DPP6: variants seen among roughly 807,000 people sequenced by gnomAD.
DPP6 encodes the protein A-type potassium channel modulatory protein DPP6.
DPP6 carries 69 observed loss-of-function variants against 122.6 expected under a neutral mutation model. That is an observed-to-expected ratio of 0.56 (90% CI 0.46 to 0.69). The LOEUF (loss-of-function observed/expected upper bound fraction) is 0.69. DPP6 is among the 30% of genes least tolerant of loss of function. DPP6 has a pLI of 0.00. For synonymous variants in DPP6, 418 were observed against 433.1 expected, an observed-to-expected ratio of 0.97 and a Z score of 0.43; for missense variants, 928 against 1,116.9, an observed-to-expected ratio of 0.83 and a Z score of 2.41.
At chr7:154,556,667 C>T (rs908477362) in intron 4 of DPP6, among the ~76,000 whole-genome samples, 2 of 151,802 alleles carry the variant, frequency 1.3e-5, no homozygotes, top group African/African-American at 4.8e-5. Context: ...ATTTAATTTG[C>T]CATATATGAT....
At chr7:154,852,611 C>T (rs1360463877) in intron 16 of DPP6, among the ~76,000 whole-genome samples, 1 of 152,186 alleles carries the variant, frequency 6.6e-6, no homozygotes, top group African/African-American at 2.4e-5. Context: ...TCGAGCACAA[C>T]TCTATTCAAA....
rs570730876 is a variant in DPP6 at position 154,438,324 on chromosome 7, G to T, written c.244-7890G>T. On this transcript the variant is annotated intron_variant, in intron 1 of 25. Transcript: ENST00000377770. ...CGACTAAAAAAATACAAAAAAATTA[G>T]CCGGGCGTGGTGGCGGGAGCCTGTA... Among the ~76,000 whole-genome samples, 351 of 151,758 alleles carry T rather than the reference G, an allele frequency of 2.3e-3. 3 individuals carry two copies. The highest frequency in any genetic ancestry group is 8.0e-3 in the African/African-American group (332 of 41,398).
intron 19 of DPP6, among the ~76,000 whole-genome samples, chr7:154,873,012 G>T (rs1351749902): frequency 6.6e-6 from 1 of 152,212 alleles, no homozygotes; most frequent in East Asian, 1.9e-4. Flanking sequence ...CAGGGGACAG[G>T]TCCCAAGACA....
chr7:154,202,997 A>G (rs1271833811), intron 1 of DPP6, among the ~76,000 whole-genome samples: 1 of 152,178 alleles, frequency 6.6e-6, no homozygotes, highest in Non-Finnish European at 1.5e-5. Flanking sequence ...AAGGATTGAC[A>G]ATCAGGACAT....
chr7:154,625,318 C>A (rs1399468945), intron 5 of DPP6, among the ~76,000 whole-genome samples: 2 of 146,790 alleles, frequency 1.4e-5, no homozygotes, highest in African/African-American at 2.5e-5. Context: ...CACACAGACA[C>A]TTTTTTTTTT....
intron 3 of DPP6, among the ~76,000 whole-genome samples, chr7:154,528,928 G>A (rs1159878725): frequency 3.3e-5 from 5 of 152,152 alleles, no homozygotes; most frequent in Non-Finnish European, 7.4e-5. Context: ...TGCTTTGTTG[G>A]GGTGATAGGC....
In DPP6 at chr7:154,821,624, T is replaced by TC. The variant is rs1479481564; in HGVS notation, c.1666+14512_1666+14513insC. ...GTGAATATATATATATATATTTTTTTTCTGTATATATATATATATATACAC... is the reference window on the plus strand; with the variant it reads ...GTGAATATATATATATATATTTTTTTCTCTGTATATATATATATATATACAC... On this transcript the variant is annotated intron_variant, in intron 16 of 25. Transcript: ENST00000377770. This position sits in a 1 kb window ranked among gnomAD's most constrained non-coding sequence, Gnocchi z 4.2. Among the ~76,000 whole-genome samples, 3 of 114,378 alleles carry TC rather than the reference T, an allele frequency of 2.6e-5. No homozygotes were observed. The highest frequency in any genetic ancestry group is 3.9e-5 in the African/African-American group (1 of 25,606). The allele number at this position is 114,378 out of a possible 152,430, so 75.0% of individuals were successfully genotyped here. A position where few individuals can be genotyped will look rare whatever the true frequency, so the allele number is the denominator to read the frequency against.
intron 3 of DPP6, among the ~76,000 whole-genome samples, chr7:154,510,936 GCACACACACACACACACA>G (rs3056506): frequency 1.4e-5 from 2 of 145,090 alleles, no homozygotes; most frequent in African/African-American, 5.1e-5. Flanking sequence ...ACACACACAT[GCACACACACACACACACA>G]CACACACACA....
chr7:154,231,349 G>A (rs1050693198), intron 1 of DPP6, among the ~76,000 whole-genome samples: 1 of 152,118 alleles, frequency 6.6e-6, no homozygotes, highest in Non-Finnish European at 1.5e-5. Flanking sequence ...TTACAGGCAC[G>A]CTGAGCATCC....
chr7:154,553,378 CAG>C (rs1355949743), intron 4 of DPP6, among the ~76,000 whole-genome samples: 3 of 152,108 alleles, frequency 2.0e-5, no homozygotes, highest in African/African-American at 7.2e-5. Context: ...GGGAGAGAAA[CAG>C]ATTGTGAAGT....
intron 1 of DPP6, among the ~76,000 whole-genome samples, chr7:154,330,635 A>G (rs1808844041): frequency 6.6e-6 from 1 of 152,224 alleles, no homozygotes; most frequent in Non-Finnish European, 1.5e-5. Context: ...GAGCAAACAT[A>G]CATTCTCAGC....
intron 1 of DPP6, among the ~76,000 whole-genome samples, chr7:154,434,513 T>G (rs1297043872): frequency 6.6e-6 from 1 of 152,150 alleles, no homozygotes; most frequent in Non-Finnish European, 1.5e-5. Flanking sequence ...GCATCTGACG[T>G]GCTCTTCCAT....
chr7:154,270,256 C>T (rs1298632685), intron 1 of DPP6, among the ~76,000 whole-genome samples: 1 of 152,102 alleles, frequency 6.6e-6, no homozygotes, highest in Admixed American at 6.5e-5. Flanking sequence ...GCAGCATGTG[C>T]CGTAATTGTT....
the DPP6 span, among the ~76,000 whole-genome samples, chr7:153,844,493 C>T: frequency 6.6e-6 from 1 of 152,158 alleles, no homozygotes; most frequent in African/African-American, 2.4e-5. Context: ...TGGGTGACAC[C>T]CAATGAACCA....
At chr7:154,377,602 T>C (rs984716653) in intron 1 of DPP6, among the ~76,000 whole-genome samples, 1 of 152,170 alleles carries the variant, frequency 6.6e-6, no homozygotes, top group African/African-American at 2.4e-5. Flanking sequence ...TAAGATCTGA[T>C]GGTTTTAAAG....
At chr7:153,818,087 A>G in the DPP6 span, among the ~76,000 whole-genome samples, 1 of 152,320 alleles carries the variant, frequency 6.6e-6, no homozygotes, top group East Asian at 1.9e-4. Context: ...ACAAACAAGT[A>G]GAAAAATAGG....
chr7:153,892,447 A>G (rs879602217), intron 1 of DPP6, among the ~76,000 whole-genome samples: 2 of 152,048 alleles, frequency 1.3e-5, no homozygotes, highest in Non-Finnish European at 2.9e-5. Context: ...CCAAGTAGCT[A>G]GGATTACAGG....
the DPP6 span, among the ~76,000 whole-genome samples, chr7:153,854,885 A>G: frequency 1.5e-5 from 2 of 136,296 alleles, no homozygotes; most frequent in Admixed American, 7.4e-5. Context: ...TGGCACATAT[A>G]CACCATGGAA....
At chr7:154,706,299 C>T (rs73495856) in intron 7 of DPP6, among the ~76,000 whole-genome samples, 2,467 of 152,322 alleles carry the variant, frequency 0.016, 68 homozygotes, top group African/African-American at 0.055. Context: ...CCCTCTCCTG[C>T]GATGCTCTCA....
Sources: allele counts gnomAD v4.1 joint callset (sites outside exome capture counted in the v4.1 genomes callset), GRCh38; gene constraint gnomAD v4.1.1; non-coding constraint Gnocchi (gnomAD v3.1); transcripts MANE v1.5; gene names NCBI Gene and HGNC (gene_info 2026-07-23, HGNC 2026-07-21).